The following SH3KBP1 variants were observed in gnomAD, a reference collection of about 807,000 sequenced individuals.
SH3KBP1 encodes the protein SH3 domain-containing kinase-binding protein 1.
SH3KBP1 carries 8 observed loss-of-function variants against 50.1 expected under a neutral mutation model. That is an observed-to-expected ratio of 0.16 (90% CI 0.09 to 0.29). The LOEUF is 0.29. Among genes scored for constraint, SH3KBP1 ranks in the 10% least tolerant of loss-of-function variants. SH3KBP1 has a pLI of 1.00. For missense variants in SH3KBP1, 377 were observed against 535.2 expected (o/e 0.70, Z 2.92); for synonymous variants, 227 against 218.6 (o/e 1.04, Z -0.34).
chrX:19,715,555 T>G (rs2063889435), intron 3 of SH3KBP1, among the ~76,000 whole-genome samples: 1 of 111,449 alleles, frequency 9.0e-6, no homozygotes, highest in Admixed American at 9.5e-5. Context: ...CATCTGGATT[T>G]TAAAAGATCC....
intron 6 of SH3KBP1, chrX:19,670,814 A>C (rs1216396059): frequency 9.0e-7 from 1 of 1,105,649 alleles, no homozygotes; most frequent in Non-Finnish European, 1.2e-6. Context: ...ATACAGGTTA[A>C]CTGGATTTAT....
chrX:19,588,536 C>T (rs1233793598), intron 12 of SH3KBP1, 107 bp downstream of exon 12: 5 of 1,210,671 alleles, frequency 4.1e-6, no homozygotes, highest in African/African-American at 3.5e-5. Flanking sequence ...GCTTGAGCAC[C>T]CCCTTCTCCT....
At chrX:19,670,853 AAG>A (rs1556173285) in intron 6 of SH3KBP1, 2 of 1,146,358 alleles carry the variant, frequency 1.7e-6, no homozygotes, top group Non-Finnish European at 2.3e-6. Flanking sequence ...AAAAAAAAAA[AAG>A]AAATACCTCT....
intron 9 of SH3KBP1, among the ~76,000 whole-genome samples, chrX:19,596,542 T>C (rs73457667): frequency 0.015 from 1,628 of 111,822 alleles, 27 homozygotes; most frequent in African/African-American, 0.05. Context: ...GTTTGCCATA[T>C]TGATTGACTT....
rs780311990 is a variant in SH3KBP1, at chrX:19,588,741, T to C, written c.1200A>G (p.Pro400=). The part of the protein sequence containing the change: ...LQKPSVPAIP[P]KKPRPPKTNS... ...TGGTCTTAGGTGGCCGAGGCTTTTTTGGCGGTATGGCAGGAACGGAGGGCT... is the reference window on the plus strand; with the variant it reads ...TGGTCTTAGGTGGCCGAGGCTTTTTCGGCGGTATGGCAGGAACGGAGGGCT... The change falls in exon 12 of 18, where the codon CCA becomes CCG. Residue 400 remains proline (P), a synonymous_variant. Coordinates refer to ENST00000397821, the MANE Select transcript of SH3KBP1 (RefSeq NM_031892.3). 3 of 1,201,341 alleles carry C rather than the reference T, an allele frequency of 2.5e-6. No homozygotes were observed. The highest frequency in any genetic ancestry group is 3.4e-6 in the Non-Finnish European group (3 of 889,599).
intron 12 of SH3KBP1, among the ~76,000 whole-genome samples, chrX:19,578,370 G>A (rs1438075359): frequency 1.8e-5 from 2 of 111,606 alleles, no homozygotes; most frequent in African/African-American, 6.5e-5. Context: ...TCGGGTGCCT[G>A]AGGATACAAG....
chrX:19,719,124 T>G (rs1232381438), intron 3 of SH3KBP1, among the ~76,000 whole-genome samples: 1 of 111,984 alleles, frequency 8.9e-6, no homozygotes, highest in Non-Finnish European at 1.9e-5. Context: ...CTCCTTCCAT[T>G]GTGTTTTTGT....
chrX:19,874,595 G>C (rs1001150123), intron 1 of SH3KBP1, among the ~76,000 whole-genome samples: 1 of 103,892 alleles, frequency 9.6e-6, no homozygotes, highest in Non-Finnish European at 2.0e-5. Context: ...TAAGACACAG[G>C]GGCCAGGAGA....
intron 8 of SH3KBP1, among the ~76,000 whole-genome samples, chrX:19,628,552 G>A (rs761739214): frequency 1.1e-4 from 12 of 111,548 alleles, no homozygotes; most frequent in Admixed American, 2.9e-4. Context: ...TGAACACACC[G>A]CTTCCGGCAA....
chrX:19,741,319 G>C (rs2064762436), intron 3 of SH3KBP1, among the ~76,000 whole-genome samples: 1 of 111,877 alleles, frequency 8.9e-6, no homozygotes, highest in Non-Finnish European at 1.9e-5. Flanking sequence ...AGCTAGACCT[G>C]TTACAAATAA....
Position 19,653,479 on chromosome X carries a change from G to A in SH3KBP1, c.727-8004C>T, listed in dbSNP as rs59748768. ...TGTAATCCCAGCACTTTGGGAGGCCGAGGCAGGCGGATCATGAGGTCAGGA... is the reference window on the plus strand; with the variant it reads ...TGTAATCCCAGCACTTTGGGAGGCCAAGGCAGGCGGATCATGAGGTCAGGA... On this transcript the variant is annotated intron_variant, in intron 6 of 17. Coordinates refer to ENST00000397821, the MANE Select transcript of SH3KBP1 (RefSeq NM_031892.3). Among the ~76,000 whole-genome samples the A allele has an allele frequency of 1.2e-3, 135 of 110,400 alleles. 1 individual carries two copies. The highest frequency in any genetic ancestry group is 2.4e-3 in the South Asian group (6 of 2,517).
At chrX:19,753,545 G>A (rs1481677204) in intron 2 of SH3KBP1, among the ~76,000 whole-genome samples, 1 of 109,952 alleles carries the variant, frequency 9.1e-6, no homozygotes, top group Admixed American at 9.7e-5. Context: ...CCGTGAGTAT[G>A]TTCCCTTCGT....
At chrX:19,572,441 T>C (rs1320117098) in intron 12 of SH3KBP1, among the ~76,000 whole-genome samples, 1 of 107,149 alleles carries the variant, frequency 9.3e-6, no homozygotes, top group South Asian at 3.7e-4. Context: ...ATATGTTATA[T>C]AGTACATGTT....
chrX:19,671,320 C>T (rs1280690431), intron 6 of SH3KBP1, among the ~76,000 whole-genome samples: 1 of 110,170 alleles, frequency 9.1e-6, no homozygotes, highest in Non-Finnish European at 1.9e-5. Flanking sequence ...CAATCATGAA[C>T]ATGCCTGTAT....
intron 2 of SH3KBP1, chrX:19,747,763 C>T (rs1603185105): frequency 3.0e-6 from 1 of 334,782 alleles, no homozygotes; most frequent in East Asian, 9.8e-5. Flanking sequence ...GGGGCTGGCG[C>T]TTTGCTAGGT....
At chrX:19,589,451 T>C (rs750804845) in intron 11 of SH3KBP1, among the ~76,000 whole-genome samples, 57 of 111,151 alleles carry the variant, frequency 5.1e-4, no homozygotes, top group Admixed American at 3.6e-3. Context: ...GAACAATGAG[T>C]TCTGGATTCT....
chrX:19,766,488 T>C (rs1379931521), intron 2 of SH3KBP1, among the ~76,000 whole-genome samples: 1 of 44,618 alleles, frequency 2.2e-5, no homozygotes, highest in Admixed American at 2.3e-4. Flanking sequence ...TGCATCTTTT[T>C]TTTTTTTTTT....
At chrX:19,595,569 T>G (rs1000326212) in intron 9 of SH3KBP1, among the ~76,000 whole-genome samples, 5 of 110,998 alleles carry the variant, frequency 4.5e-5, no homozygotes, top group African/African-American at 6.6e-5. Context: ...AGGGATTTTT[T>G]TTGTTGTTGT....
At position 19,766,483 on chromosome X, in the gene SH3KBP1, C is replaced by CTT. The variant is rs61439964; in HGVS notation, c.163-20044_163-20043dup. Reference sequence around the variant, plus strand: ...TGCACTTTGAGTCTGTTGATTGCATCTTTTTTTTTTTTTTTTTTTTTTTTT... The same window carrying CTT: ...TGCACTTTGAGTCTGTTGATTGCATCTTTTTTTTTTTTTTTTTTTTTTTTTTT... On this transcript the variant is annotated intron_variant, in intron 2 of 17. Transcript: ENST00000397821. 3.1e-4 allele frequency among the ~76,000 whole-genome samples: 7 copies of CTT among 22,589 alleles called. 3 individuals carry two copies. The highest frequency in any genetic ancestry group is 8.5e-4 in the African/African-American group (5 of 5,879). 19.6% of individuals were successfully genotyped at this position (22,589 alleles called of 115,157 possible). A position where few individuals can be genotyped will look rare whatever the true frequency, so the allele number is the denominator to read the frequency against.
Sources: allele counts gnomAD v4.1 joint callset (sites outside exome capture counted in the v4.1 genomes callset), GRCh38; gene constraint gnomAD v4.1.1; transcripts MANE v1.5; gene names NCBI Gene and HGNC (gene_info 2026-07-23, HGNC 2026-07-21).